AP1G1: variants seen among roughly 807,000 people sequenced by gnomAD.
AP1G1 encodes the protein adaptor related protein complex 1 subunit gamma 1.
AP1G1 carries 7 observed loss-of-function variants against 108.3 expected under a neutral mutation model. That is an observed-to-expected ratio of 0.06 (90% CI 0.04 to 0.12). The LOEUF (loss-of-function observed/expected upper bound fraction) is 0.12, where lower values mean the gene tolerates loss of function less well. Among genes scored for constraint, AP1G1 ranks in the 10% least tolerant of loss-of-function variants. AP1G1 has a pLI of 1.00. For missense variants in AP1G1, 756 were observed against 1,010.7 expected (o/e 0.75, Z 3.42); for synonymous variants, 379 against 353.5 (o/e 1.07, Z -0.81).
At chr16:71,769,433 A>C in intron 6 of AP1G1, 190 bp downstream of exon 6, 1 of 587,148 alleles carries the variant, frequency 1.7e-6, no homozygotes, top group South Asian at 1.7e-5. Context: ...AAGGGAAAAC[A>C]CAATACTAGT....
intron 1 of AP1G1, among the ~76,000 whole-genome samples, chr16:71,791,954 G>A (rs572657187): frequency 6.6e-6 from 1 of 151,812 alleles, no homozygotes; most frequent in Non-Finnish European, 1.5e-5. Context: ...TAGAGACAGG[G>A]TTTCACCATG....
At chr16:71,744,530 G>C (rs946513138) in intron 19 of AP1G1, among the ~76,000 whole-genome samples, 1 of 150,226 alleles carries the variant, frequency 6.7e-6, no homozygotes, top group Admixed American at 6.6e-5. Context: ...AAAAGCAAAG[G>C]TGATACGGGA....
At chr16:71,754,334 G>C (rs2030664592) in intron 12 of AP1G1, among the ~76,000 whole-genome samples, 1 of 139,266 alleles carries the variant, frequency 7.2e-6, no homozygotes, top group East Asian at 2.0e-4. Flanking sequence ...AGAAAGAAAA[G>C]AAAGAAAAAG....
In AP1G1 at chr16:71,731,352, T is replaced by G. The variant is rs1319446373; in HGVS notation, c.*1706A>C. The G allele has an allele frequency of 6.6e-6, 1 of 152,650 alleles. No individual in the cohort carries two copies. The highest frequency in any genetic ancestry group is 2.4e-5 in the African/African-American group (1 of 41,458). 9.5% of individuals were successfully genotyped at this position (152,650 alleles called of 1,614,324 possible). A position where few individuals can be genotyped will look rare whatever the true frequency, so the allele number is the denominator to read the frequency against. On this transcript the variant is annotated 3_prime_UTR_variant, in exon 23 of 23. Coordinates refer to ENST00000299980, the MANE Select transcript of AP1G1 (RefSeq NM_001128.6). ...CCAGTTTGTCAAATGTTAGGAATATTCCAGCATCTGATACAGAGCTAGATT... is the reference window on the plus strand; with the variant it reads ...CCAGTTTGTCAAATGTTAGGAATATGCCAGCATCTGATACAGAGCTAGATT...
chr16:71,744,314 G>A (rs1182720865), intron 19 of AP1G1, among the ~76,000 whole-genome samples: 2 of 152,146 alleles, frequency 1.3e-5, no homozygotes, highest in African/African-American at 4.8e-5. Context: ...CAAATGACTG[G>A]TATATATGAA....
At chr16:71,758,170 T>C (rs2030895791) in intron 11 of AP1G1, among the ~76,000 whole-genome samples, 1 of 152,246 alleles carries the variant, frequency 6.6e-6, no homozygotes, top group African/African-American at 2.4e-5. Flanking sequence ...TTAAATATAC[T>C]TTGTTCTAGA....
rs111610230 is a variant in AP1G1 at position 71,763,652 on chromosome 16, G to A, written c.918+698C>T. ...TGGTATGTTACCATTCTGTCTGAAA[G>A]GTGGGGAGAGGAAAAGAACTTAACC... is the stretch of plus-strand genomic sequence containing the variant. On this transcript the variant is annotated intron_variant, in intron 9 of 22. Coordinates refer to ENST00000299980, the MANE Select transcript of AP1G1 (RefSeq NM_001128.6). 3.5e-3 allele frequency among the ~76,000 whole-genome samples: 531 copies of A among 152,266 alleles called. 6 individuals carry two copies. The highest frequency in any genetic ancestry group is 0.012 in the African/African-American group (507 of 41,566).
chr16:71,782,951 T>A (rs2032078856), intron 2 of AP1G1, among the ~76,000 whole-genome samples: 1 of 152,162 alleles, frequency 6.6e-6, no homozygotes, highest in Non-Finnish European at 1.5e-5. Context: ...GGATTTGGGA[T>A]CAGCCATCTT....
At chr16:71,775,410 C>G (rs2031745659) in intron 2 of AP1G1, among the ~76,000 whole-genome samples, 1 of 152,114 alleles carries the variant, frequency 6.6e-6, no homozygotes, top group Admixed American at 6.6e-5. Context: ...TAGAACAGAT[C>G]ATTTTATCAA....
intron 18 of AP1G1, 50 bp downstream of exon 18, chr16:71,745,423 G>A: frequency 6.2e-7 from 1 of 1,613,432 alleles, no homozygotes; most frequent in Non-Finnish European, 8.5e-7. Context: ...AGCTGTAAGG[G>A]ACTATAAAAT....
chr16:71,773,115 A>G, intron 4 of AP1G1, 106 bp downstream of exon 4: 1 of 1,257,198 alleles, frequency 8.0e-7, no homozygotes, highest in Non-Finnish European at 1.1e-6. Flanking sequence ...CTACACAGAA[A>G]AAATGACTTT....
At chr16:71,804,094 T>C (rs1416394803) in intron 1 of AP1G1, among the ~76,000 whole-genome samples, 22 of 151,902 alleles carry the variant, frequency 1.4e-4, no homozygotes, top group Admixed American at 1.4e-3. Flanking sequence ...GTCCCCAGGC[T>C]GGAGTGCAGT....
At chr16:71,746,752 G>T in intron 16 of AP1G1, 60 bp from the exon 17 acceptor site, 1 of 1,321,782 alleles carries the variant, frequency 7.6e-7, no homozygotes, top group Non-Finnish European at 1.1e-6. Context: ...AATAAGCAGA[G>T]ATAATGTTTA....
At chr16:71,779,889 C>CG (rs1412900633) in intron 2 of AP1G1, among the ~76,000 whole-genome samples, 2 of 151,854 alleles carry the variant, frequency 1.3e-5, no homozygotes, top group Non-Finnish European at 2.9e-5. Flanking sequence ...GAGGCCAAGG[C>CG]GGGAGTATTC....
chr16:71,805,092 C>G (rs1440201914), intron 1 of AP1G1, among the ~76,000 whole-genome samples: 2 of 152,106 alleles, frequency 1.3e-5, no homozygotes, highest in African/African-American at 4.8e-5. Flanking sequence ...CTACTTTCAA[C>G]ATTATTCTGC....
intron 1 of AP1G1, among the ~76,000 whole-genome samples, chr16:71,797,892 A>G (rs1465478439): frequency 6.6e-6 from 1 of 152,124 alleles, no homozygotes; most frequent in Non-Finnish European, 1.5e-5. Flanking sequence ...ATACAAGGAG[A>G]GTGGGGGAGT....
chr16:71,787,644 A>C (rs552849038), intron 2 of AP1G1, among the ~76,000 whole-genome samples: 1 of 152,302 alleles, frequency 6.6e-6, no homozygotes, highest in South Asian at 2.1e-4. Flanking sequence ...GATTTCTGTA[A>C]ATCTAACCTA....
intron 4 of AP1G1, chr16:71,773,005 T>C (rs2031635751): frequency 9.3e-6 from 6 of 644,550 alleles, no homozygotes; most frequent in South Asian, 7.8e-5. Context: ...GAATTTGGTA[T>C]GCCACCTAGG....
At chr16:71,768,192 TA>T (rs10610445) in intron 6 of AP1G1, among the ~76,000 whole-genome samples, 54,801 of 99,288 alleles carry the variant, frequency 0.55, 14,716 homozygotes, top group East Asian at 0.74. Context: ...AATACTAGTT[TA>T]AAAAAAAAAA....
Sources: gnomAD v4.1 joint callset for allele counts (sites outside exome capture counted in the v4.1 genomes callset) on GRCh38, gnomAD v4.1.1 for gene constraint, MANE v1.5 for transcripts, NCBI Gene and HGNC (gene_info 2026-07-23, HGNC 2026-07-21) for gene names.